Variants in CFAP92 observed in about 807,000 individuals in gnomAD.
CFAP92 encodes cilia and flagella associated protein 92 (putative), also known as uncharacterized protein CFAP92.
CFAP92 carries 86 observed loss-of-function variants against 106.3 expected under a neutral mutation model. The observed-to-expected ratio is 0.81, with a 90% CI of 0.68 to 0.97. CFAP92 has a LOEUF of 0.97. CFAP92 is among the 50% of genes least tolerant of loss of function. CFAP92 has a pLI of 0.00. For missense variants in CFAP92, 1,204 were observed against 1,283.8 expected (o/e 0.94, Z 0.95); for synonymous variants, 477 against 506.4 (o/e 0.94, Z 0.78).
chr3:128,981,538 C>T (rs1290416133), intron 4 of CFAP92, among the ~76,000 whole-genome samples: 1 of 150,678 alleles, frequency 6.6e-6, no homozygotes. Context: ...ACTATGTTGG[C>T]CACACTGGTC....
chr3:128,920,769 G>A (rs915518764), intron 12 of CFAP92, among the ~76,000 whole-genome samples: 24 of 152,218 alleles, frequency 1.6e-4, no homozygotes, highest in Admixed American at 6.5e-4. Flanking sequence ...CCACAAGGGC[G>A]TGGCTTGGAC....
chr3:128,929,863 A>G (rs1329596113), intron 12 of CFAP92, among the ~76,000 whole-genome samples: 1 of 152,228 alleles, frequency 6.6e-6, no homozygotes, highest in African/African-American at 2.4e-5. Context: ...TTATAACTAT[A>G]AATTTACTAA....
At chr3:129,013,647 T>A in the CFAP92 span, among the ~76,000 whole-genome samples, 18 of 152,204 alleles carry the variant, frequency 1.2e-4, no homozygotes, top group Admixed American at 2.6e-4. Flanking sequence ...CTGGAACCAG[T>A]CACTGGTACC....
intron 9 of CFAP92, among the ~76,000 whole-genome samples, chr3:128,959,602 C>T (rs1325584989): frequency 2.6e-5 from 4 of 152,176 alleles, no homozygotes; most frequent in Admixed American, 6.6e-5. Context: ...AACAGCAGTG[C>T]TGAACCTGGT....
chr3:128,951,577 C>G (rs1285165116), intron 9 of CFAP92, among the ~76,000 whole-genome samples: 3 of 152,158 alleles, frequency 2.0e-5, no homozygotes, highest in Non-Finnish European at 4.4e-5. Flanking sequence ...CCTGGGTCTT[C>G]TATTTGCCTC....
chr3:128,952,575 T>C (rs1940918817), intron 9 of CFAP92, among the ~76,000 whole-genome samples: 1 of 152,192 alleles, frequency 6.6e-6, no homozygotes, highest in African/African-American at 2.4e-5. Context: ...GTAATGAACA[T>C]GCTTGAAACA....
chr3:128,915,620 T>C lies in CFAP92; in HGVS notation c.2917-57A>G. The C allele has an allele frequency of 2.6e-6, 3 of 1,173,944 alleles. No homozygotes were observed. In the African/African-American group the frequency reaches 4.6e-5, roughly 18 times the overall value. The allele number at this position is 1,173,944 out of a possible 1,614,324, so 72.7% of individuals were successfully genotyped here. On this transcript the variant is annotated intron_variant, in intron 13 of 15. Transcript: ENST00000645291. ...AGGGCTAATAGCAATCTTGGATTTA[T>C]TTCCAAGTAGGAATCAGAAACAGCT...
At chr3:129,006,209 C>T (rs1017071235), upstream of CFAP92, among the ~76,000 whole-genome samples, 1 of 152,236 alleles carries the variant, frequency 6.6e-6, no homozygotes. Flanking sequence ...CACAGTTACA[C>T]GATGGCTGCT....
intron 4 of CFAP92, among the ~76,000 whole-genome samples, chr3:128,980,598 G>A (rs1272098004): frequency 2.0e-5 from 3 of 152,076 alleles, no homozygotes; most frequent in Admixed American, 1.3e-4. Flanking sequence ...ACAGTAGAAC[G>A]GCTTTCAAAA....
rs1221217335 is a variant in CFAP92, at chr3:128,965,298, ACT to A, written c.1353+211_1353+212del. Among the ~76,000 whole-genome samples, 17 of 151,576 alleles carry A rather than the reference ACT, an allele frequency of 1.1e-4. No individual in the cohort carries two copies. In the East Asian group the frequency reaches 2.3e-3, roughly 21 times the overall value. On this transcript the variant is annotated intron_variant, in intron 9 of 15. Transcript: ENST00000645291. ...GCCCCACCCCTATCTCCCTTTGCTG[ACT>A]CTCTTTTCGGACTCAGCCCGCCTGC...
chr3:128,946,495 A>G (rs143587079), intron 9 of CFAP92, among the ~76,000 whole-genome samples: 110 of 152,352 alleles, frequency 7.2e-4, no homozygotes, highest in African/African-American at 2.6e-3. Flanking sequence ...GGTGGAAAGG[A>G]AGAGCCAAGC....
In CFAP92 at chr3:128,976,690, T is replaced by A. The variant is rs527854115; in HGVS notation, c.896+289A>T. On this transcript the variant is annotated intron_variant, in intron 6 of 15. Transcript: ENST00000645291. ...CCAGGAATTCTGGTTTATCACTTTG[T>A]GTAAACCATTTAATTACTCAGTCAC... 3.9e-5 allele frequency among the ~76,000 whole-genome samples: 6 copies of A among 152,366 alleles called. No individual in the cohort carries two copies. The South Asian group carries it at 1.2e-3, about 32-fold the overall frequency.
Position 128,978,429 on chromosome 3 carries a change from A to T in CFAP92, c.668-244T>A, listed in dbSNP as rs1238991585. ...AAAAAAAATGTACATACCTAAGTTT[A>T]AAAAATACCTTATTGGGGCCAGATA... On this transcript the variant is annotated intron_variant, in intron 4 of 15. Coordinates refer to ENST00000645291, the MANE Select transcript of CFAP92 (RefSeq NM_001394090.1). The T allele has an allele frequency of 1.2e-5, 4 of 331,176 alleles. 1 individual carries two copies. Among genetic ancestry groups the T allele is most frequent in the South Asian group, 1.2e-4 (2 of 17,222 alleles). 20.5% of individuals were successfully genotyped at this position (331,176 alleles called of 1,614,324 possible).
chr3:128,962,131 A>C (rs908485414), intron 9 of CFAP92, among the ~76,000 whole-genome samples: 1 of 152,178 alleles, frequency 6.6e-6, no homozygotes, highest in Non-Finnish European at 1.5e-5. Flanking sequence ...CTCTGGCCCG[A>C]GGCTCTCTGA....
Position 128,910,288 on chromosome 3 carries a change from G to A in CFAP92, c.*11C>T, listed in dbSNP as rs959711597. 1.3e-6 allele frequency: 2 copies of A among 1,515,358 alleles called. No homozygotes were observed. The allele number at this position is 1,515,358 out of a possible 1,614,324, so 93.9% of individuals were successfully genotyped here. A position where few individuals can be genotyped will look rare whatever the true frequency, so the allele number is the denominator to read the frequency against. On this transcript the variant is annotated 3_prime_UTR_variant, in exon 16 of 16. Coordinates refer to ENST00000645291, the MANE Select transcript of CFAP92 (RefSeq NM_001394090.1). ...TTCACCATGCGGTGGCCGTGGGAGGGTCTGTGCTGCTCAGGAGATGGGGCT... is the reference window on the plus strand; with the variant it reads ...TTCACCATGCGGTGGCCGTGGGAGGATCTGTGCTGCTCAGGAGATGGGGCT...
the CFAP92 span, among the ~76,000 whole-genome samples, chr3:129,019,727 C>G: frequency 1.7e-4 from 26 of 148,908 alleles, no homozygotes; most frequent in African/African-American, 6.4e-4. Context: ...AACTGAGGAA[C>G]TGAATTCTTA....
At chr3:128,967,033 T>C (rs1005506037) in intron 8 of CFAP92, 1 of 152,238 alleles carries the variant, frequency 6.6e-6, no homozygotes, top group Non-Finnish European at 1.5e-5. Context: ...TGTGATAAGC[T>C]AGAGTCTCCA....
At chr3:128,974,953 T>C (rs1170049166) in intron 7 of CFAP92, among the ~76,000 whole-genome samples, 1 of 150,218 alleles carries the variant, frequency 6.7e-6, no homozygotes. Context: ...ACCCCGTCTC[T>C]AATAAAAACA....
intron 9 of CFAP92, among the ~76,000 whole-genome samples, chr3:128,948,377 C>CG (rs756520909): frequency 8.6e-4 from 69 of 79,778 alleles, no homozygotes; most frequent in African/African-American, 2.5e-3. Flanking sequence ...CTTTTCTTTC[C>CG]TTTTTTTTTT....
Sources: allele counts gnomAD v4.1 joint callset (sites outside exome capture counted in the v4.1 genomes callset), GRCh38; gene constraint gnomAD v4.1.1; transcripts MANE v1.5; gene names NCBI Gene and HGNC (gene_info 2026-07-23, HGNC 2026-07-21).